Variants in TMEM54 observed in about 807,000 individuals in gnomAD.
TMEM54 encodes beta-casein-like protein.
In TMEM54, 21 loss-of-function variants were observed where a neutral mutation model predicts 21.3. The ratio of observed to expected loss-of-function variants is 0.99; its 90% CI spans 0.70 to 1.42. The LOEUF (loss-of-function observed/expected upper bound fraction) is 1.42, where lower values mean the gene tolerates loss of function less well. Ranked by LOEUF, TMEM54 falls within the 40% of genes most tolerant of loss-of-function variation. The probability of loss-of-function intolerance (pLI) is 0.00; values close to 1 mark genes in which losing one functional copy is unlikely to be tolerated. For synonymous variants in TMEM54, 109 were observed against 125.0 expected (o/e 0.87, Z 0.86); for missense variants, 246 against 294.0 (o/e 0.84, Z 1.19).
chr1:32,895,486 G>A lies in TMEM54; in HGVS notation c.460-47C>T. 2 of 1,597,064 alleles carry A rather than the reference G, an allele frequency of 1.3e-6. No homozygotes were observed. Among genetic ancestry groups the A allele is most frequent in the Non-Finnish European group, 1.7e-6 (2 of 1,168,642 alleles). ...TGGCTGGCTGGAGTTGGGGGTGGAG[G>A]GTGGATTCCAAGAGCCCTTCCCACC... On this transcript the variant is annotated intron_variant, in intron 4 of 5. Transcript: ENST00000373463. This position sits in a 1 kb window ranked among gnomAD's most constrained non-coding sequence, Gnocchi z 5.8.
At position 32,898,626 on chromosome 1, in the gene TMEM54, G is replaced by C. The variant is rs60059989; in HGVS notation, c.17-307C>G. Reference sequence around the variant, plus strand: ...GCTCAGGTCTCTAGCTCTAGACTTCGAGATCCTCCCACTAAGCTACCCATT... The same window carrying C: ...GCTCAGGTCTCTAGCTCTAGACTTCCAGATCCTCCCACTAAGCTACCCATT... On this transcript the variant is annotated intron_variant, in intron 1 of 5. Transcript: ENST00000373463. Among the ~76,000 whole-genome samples, 129 of 152,226 alleles carry C rather than the reference G, an allele frequency of 8.5e-4. 3 individuals carry two copies. In the East Asian group the frequency reaches 0.023, roughly 27 times the overall value.
Position 32,897,969 on chromosome 1 carries a change from G to A in TMEM54, c.210+157C>T. On this transcript the variant is annotated intron_variant, in intron 2 of 5. Transcript: ENST00000373463. The surrounding 1 kb of genome is among the most constrained non-coding windows in gnomAD (Gnocchi z 4.9). ...TTACCATCTCCATTTGATAGATGAAGAAGTTGAGTGACTTGGGCAGTTGGT... is the reference window on the plus strand; with the variant it reads ...TTACCATCTCCATTTGATAGATGAAAAAGTTGAGTGACTTGGGCAGTTGGT... The A allele has an allele frequency of 1.6e-6, 1 of 631,552 alleles. No homozygotes were observed. The highest frequency in any genetic ancestry group is 2.8e-6 in the Non-Finnish European group (1 of 361,136). 39.1% of individuals were successfully genotyped at this position (631,552 alleles called of 1,614,324 possible). A position where few individuals can be genotyped will look rare whatever the true frequency, so the allele number is the denominator to read the frequency against.
In TMEM54 at chr1:32,895,136, GATC is replaced by G. The variant is rs1641554238; in HGVS notation, c.594+166_594+168del. 6.6e-6 allele frequency among the ~76,000 whole-genome samples: 1 copy of G among 152,108 alleles called. No individual in the cohort carries two copies. Among genetic ancestry groups the G allele is most frequent in the African/African-American group, 2.4e-5 (1 of 41,430 alleles). Reference sequence around the variant, plus strand: ...TGTCAGCTGTGTGACTCTGCTGGGAGATCTCACCTCTCCCAGCCTCCAGGCCTC... The same window carrying G: ...TGTCAGCTGTGTGACTCTGCTGGGAGTCACCTCTCCCAGCCTCCAGGCCTC... On this transcript the variant is annotated intron_variant, in intron 5 of 5. Transcript: ENST00000373463. This position sits in a 1 kb window ranked among gnomAD's most constrained non-coding sequence, Gnocchi z 5.8.
Position 32,894,753 on chromosome 1 carries a change from G to C in TMEM54, c.*52C>G. 6.3e-7 allele frequency: 1 copy of C among 1,586,042 alleles called. No homozygotes were observed. Reference sequence around the variant, plus strand: ...GGAATCCTGGCCTGGTCACAGAGCAGAGTTGCTTGCAGGGTCCTAGTGGCC... The same window carrying C: ...GGAATCCTGGCCTGGTCACAGAGCACAGTTGCTTGCAGGGTCCTAGTGGCC... On this transcript the variant is annotated 3_prime_UTR_variant, in exon 6 of 6. Transcript: ENST00000373463.
intron 1 of TMEM54, among the ~76,000 whole-genome samples, chr1:32,899,318 C>T (rs943590583): frequency 3.3e-5 from 5 of 151,582 alleles, no homozygotes; most frequent in African/African-American, 4.9e-5. Context: ...CTCTGAGTCC[C>T]TTCCTAGACC....
chr1:32,900,537 A>T (rs1191528700), intron 1 of TMEM54, among the ~76,000 whole-genome samples: 1 of 152,164 alleles, frequency 6.6e-6, no homozygotes, highest in Admixed American at 6.5e-5. Context: ...CCACTGTGGG[A>T]GCGCATAGCA....
At position 32,894,600 on chromosome 1, in the gene TMEM54, T is replaced by G; in HGVS notation, c.*205A>C. 1.9e-6 allele frequency: 1 copy of G among 524,704 alleles called. No individual in the cohort carries two copies. 32.5% of individuals were successfully genotyped at this position (524,704 alleles called of 1,614,324 possible). On this transcript the variant is annotated 3_prime_UTR_variant, in exon 6 of 6. Coordinates refer to ENST00000373463, the MANE Select transcript of TMEM54 (RefSeq NM_033504.4). ...CCCCTGCATGCAGCCAAATGGAGCA[T>G]CTCTGTTCTTTTTAATAATTTCAGA...
Position 32,899,662 on chromosome 1 carries a change from G to A in TMEM54, c.17-1343C>T, listed in dbSNP as rs533212346. On this transcript the variant is annotated intron_variant, in intron 1 of 5. Transcript: ENST00000373463. ...GTGGAGGCCACAGTGAGCTATAATC[G>A]TGCCATTGCACTCCAGCCTGGGCTA... Among the ~76,000 whole-genome samples, 12 of 152,282 alleles carry A rather than the reference G, an allele frequency of 7.9e-5. 1 individual carries two copies. Among genetic ancestry groups the A allele is most frequent in the Admixed American group, 3.9e-4 (6 of 15,296 alleles).
In TMEM54 at chr1:32,895,033, C is replaced by T; in HGVS notation, c.595-154G>A. The T allele has an allele frequency of 2.1e-6, 2 of 959,348 alleles. No homozygotes were observed. Among genetic ancestry groups the T allele is most frequent in the Non-Finnish European group, 2.5e-6 (2 of 806,122 alleles). The allele number at this position is 959,348 out of a possible 1,614,324, so 59.4% of individuals were successfully genotyped here. On this transcript the variant is annotated intron_variant, in intron 5 of 5. Transcript: ENST00000373463. This position sits in a 1 kb window ranked among gnomAD's most constrained non-coding sequence, Gnocchi z 5.8. ...CTCCACTGCAAGAGCCAGGCCTGAC[C>T]TTTGCAATGCCCTCAGTGCGAGCCC...
In TMEM54 at chr1:32,898,302, C is replaced by A. The variant is rs137957138; in HGVS notation, c.34G>T (p.Asp12Tyr). The A allele has an allele frequency of 2.5e-6, 4 of 1,603,436 alleles. No homozygotes were observed. The East Asian group carries it at 9.0e-5, about 36-fold the overall frequency. Reference protein sequence around the residue: ...CLRLGGLSVGDFRKVLMKTGL... With the variant: ...CLRLGGLSVGYFRKVLMKTGL... ...GTCTTCATCAGCACCTTCCGGAAGT[C>A]GCCCACACTCAGGCCTCCTGTGGGG... The change falls in exon 2 of 6, where the codon GAC (aspartate) becomes TAC (tyrosine). Residue 12 changes from aspartate to tyrosine, a missense_variant. Asp to Tyr is a radical substitution (Grantham distance 160). Transcript: ENST00000373463.
At position 32,896,567 on chromosome 1, in the gene TMEM54, C is replaced by T. The variant is rs1331408207; in HGVS notation, c.211-598G>A. Among the ~76,000 whole-genome samples the T allele has an allele frequency of 6.6e-6, 1 of 152,206 alleles. No individual in the cohort carries two copies. The highest frequency in any genetic ancestry group is 1.5e-5 in the Non-Finnish European group (1 of 68,030). On this transcript the variant is annotated intron_variant, in intron 2 of 5. Transcript: ENST00000373463. This position sits in a 1 kb window ranked among gnomAD's most constrained non-coding sequence, Gnocchi z 4.1. ...TGCACCCTCTCACCTTCCTGCTCCT[C>T]TGCCCGTGTGGATCCTGCAAGCCCT...
In TMEM54 at chr1:32,895,878, C is replaced by T. The variant is rs1181697728; in HGVS notation, c.270+32G>A. ...GGGTGGCTGCTGCCCCTACCCTTCC[C>T]TCACAGCCCCATCCCAGGAGGCACC... is the stretch of plus-strand genomic sequence containing the variant. On this transcript the variant is annotated intron_variant, in intron 3 of 5. Transcript: ENST00000373463. This position sits in a 1 kb window ranked among gnomAD's most constrained non-coding sequence, Gnocchi z 5.8. The T allele has an allele frequency of 3.1e-6, 5 of 1,604,370 alleles. No homozygotes were observed. The highest frequency in any genetic ancestry group is 4.3e-6 in the Non-Finnish European group (5 of 1,175,516).
intron 1 of TMEM54, among the ~76,000 whole-genome samples, chr1:32,899,967 C>T (rs569860461): frequency 1.3e-5 from 2 of 152,272 alleles, no homozygotes; most frequent in African/African-American, 2.4e-5. Context: ...AGAGGGCAGA[C>T]GATGGGCTGG....
rs1463749105 is a variant in TMEM54 at position 32,896,009 on chromosome 1, G to C, written c.211-40C>G. ...CAAGTCAGCCCTGACTCCTTGGCTG[G>C]AGGAACAGGGGCAGGGGGATCAGGG... On this transcript the variant is annotated intron_variant, in intron 2 of 5. Transcript: ENST00000373463. The surrounding 1 kb of genome is among the most constrained non-coding windows in gnomAD (Gnocchi z 4.1). 2.5e-6 allele frequency: 4 copies of C among 1,598,486 alleles called. No individual in the cohort carries two copies. Among genetic ancestry groups the C allele is most frequent in the Non-Finnish European group, 3.4e-6 (4 of 1,171,860 alleles).
At chr1:32,898,856 C>A (rs534751401) in intron 1 of TMEM54, among the ~76,000 whole-genome samples, 4 of 152,294 alleles carry the variant, frequency 2.6e-5, no homozygotes, top group African/African-American at 9.6e-5. Context: ...AACTGAACTG[C>A]CCAGAGCCAG....
Position 32,901,313 on chromosome 1 carries a change from C to G in TMEM54, c.-75G>C. On this transcript the variant is annotated 5_prime_UTR_variant, in exon 1 of 6. Coordinates refer to ENST00000373463, the MANE Select transcript of TMEM54 (RefSeq NM_033504.4). This position sits in a 1 kb window ranked among gnomAD's most constrained non-coding sequence, Gnocchi z 4.2. The stretch of plus-strand genomic sequence containing the variant: ...TGCGGGCCGCCGGGGGACCCTGCTC[C>G]CATCCCGCTGGCCCGTCGCCCGCGC... 6.5e-6 allele frequency: 8 copies of G among 1,224,028 alleles called. No homozygotes were observed. Among genetic ancestry groups the G allele is most frequent in the Non-Finnish European group, 8.2e-6 (8 of 975,274 alleles). 75.8% of individuals were successfully genotyped at this position (1,224,028 alleles called of 1,614,324 possible). A position where few individuals can be genotyped will look rare whatever the true frequency, so the allele number is the denominator to read the frequency against.
In TMEM54 at chr1:32,895,314, G is replaced by T. The variant is rs2124039453; in HGVS notation, c.585C>A (p.Ser195Arg). ...TGTGGAGGGAACTTACCATGTGGTG[G>T]CTGCTTTTCCCCCACCAGGGCCTCA... ...LELRPWWGKSSHHMMRENPEL... is the reference protein window; with the variant it reads ...LELRPWWGKSRHHMMRENPEL... The change falls in exon 5 of 6, where the codon AGC becomes AGA. Residue 195 changes from serine (S) to arginine (R), a missense_variant. Physicochemically the swap from Ser to Arg is moderately radical, Grantham distance 110 (BLOSUM62 -1). Transcript: ENST00000373463. The surrounding 1 kb of genome is among the most constrained non-coding windows in gnomAD (Gnocchi z 5.8). The T allele has an allele frequency of 6.2e-7, 1 of 1,611,932 alleles. No individual in the cohort carries two copies. Among genetic ancestry groups the T allele is most frequent in the Non-Finnish European group, 8.5e-7 (1 of 1,178,588 alleles).
In TMEM54 at chr1:32,895,253, T is replaced by C; in HGVS notation, c.594+52A>G. 1.3e-6 allele frequency: 2 copies of C among 1,569,988 alleles called. No homozygotes were observed. The highest frequency in any genetic ancestry group is 1.7e-6 in the Non-Finnish European group (2 of 1,153,076). ...GTGGGGCAGAGCAGCTTGGGCACCC[T>C]GGCAGGGGCTCCCAGGAAATTCGGG... On this transcript the variant is annotated intron_variant, in intron 5 of 5. Transcript: ENST00000373463. The surrounding 1 kb of genome is among the most constrained non-coding windows in gnomAD (Gnocchi z 5.8).
At chr1:32,899,396 A>G (rs1269274833) in intron 1 of TMEM54, among the ~76,000 whole-genome samples, 2 of 150,638 alleles carry the variant, frequency 1.3e-5, no homozygotes, top group Non-Finnish European at 3.0e-5. Context: ...CAGCTGAAAA[A>G]AAAAAAAAAA....
Sources: allele counts gnomAD v4.1 joint callset (sites outside exome capture counted in the v4.1 genomes callset), GRCh38; gene constraint gnomAD v4.1.1; non-coding constraint Gnocchi (gnomAD v3.1); transcripts MANE v1.5; gene names NCBI Gene and HGNC (gene_info 2026-07-23, HGNC 2026-07-21).